The following DTNB variants were observed in gnomAD, a reference collection of about 807,000 sequenced individuals.
The protein encoded by DTNB is DTN-B.
Under a neutral mutation model 90.7 loss-of-function variants are expected in DTNB, and 63 were observed. The observed-to-expected ratio is 0.69, with a 90% CI of 0.57 to 0.86. DTNB has a LOEUF of 0.86. Ranked by LOEUF, DTNB falls within the 40% of genes least tolerant of loss-of-function variation. The probability of loss-of-function intolerance (pLI) is 0.00; values close to 1 mark genes in which losing one functional copy is unlikely to be tolerated. For synonymous variants in DTNB, 277 were observed against 286.7 expected (o/e 0.97, Z 0.34); for missense variants, 744 against 807.1 (o/e 0.92, Z 0.95).
intron 2 of DTNB, chr2:25,650,019 T>G: frequency 2.0e-6 from 2 of 985,390 alleles, no homozygotes; most frequent in Non-Finnish European, 2.4e-6. Flanking sequence ...AAGTCATACT[T>G]ACCAAACGTC....
At chr2:25,448,133 C>T (rs2058701749) in intron 12 of DTNB, among the ~76,000 whole-genome samples, 1 of 152,224 alleles carries the variant, frequency 6.6e-6, no homozygotes, top group African/African-American at 2.4e-5. Flanking sequence ...ACCTGCTCTA[C>T]ACTTCCACAG....
intron 11 of DTNB, among the ~76,000 whole-genome samples, chr2:25,453,358 C>T (rs2059553539): frequency 6.6e-6 from 1 of 152,180 alleles, no homozygotes; most frequent in Non-Finnish European, 1.5e-5. Context: ...CCTTATTCTT[C>T]TGTTTGAATT....
chr2:25,647,920 A>G (rs916156301), intron 2 of DTNB, among the ~76,000 whole-genome samples: 20 of 152,200 alleles, frequency 1.3e-4, no homozygotes, highest in Non-Finnish European at 1.3e-4. Flanking sequence ...GTAACCCAAC[A>G]TAAGTTGTTA....
chr2:25,663,204 C>T (rs1455532655), intron 1 of DTNB, among the ~76,000 whole-genome samples: 2 of 152,130 alleles, frequency 1.3e-5, no homozygotes, highest in Non-Finnish European at 2.9e-5. Flanking sequence ...AGAATGATGG[C>T]TTCCAGCTTC....
intron 8 of DTNB, among the ~76,000 whole-genome samples, chr2:25,576,286 C>T (rs1033504523): frequency 3.0e-5 from 4 of 135,170 alleles, no homozygotes; most frequent in Admixed American, 8.2e-5. Context: ...AGTGCAGTGG[C>T]GCAATCTCGG....
intron 8 of DTNB, among the ~76,000 whole-genome samples, chr2:25,567,593 T>G (rs1435789112): frequency 2.0e-5 from 3 of 152,186 alleles, no homozygotes; most frequent in Non-Finnish European, 2.9e-5. Context: ...TGTTCAGAGG[T>G]GGACTCTGCC....
chr2:25,415,570 T>C (rs2047706330), intron 16 of DTNB, among the ~76,000 whole-genome samples: 2 of 152,180 alleles, frequency 1.3e-5, no homozygotes, highest in African/African-American at 2.4e-5. Context: ...GGATGGGGAC[T>C]GGTTGCCAGA....
chr2:25,613,341 C>A (rs747007438), intron 4 of DTNB, among the ~76,000 whole-genome samples: 8 of 152,282 alleles, frequency 5.3e-5, no homozygotes, highest in Admixed American at 4.6e-4. Context: ...ATAATCCTAT[C>A]ACCCAGGTAG....
Position 25,580,793 on chromosome 2 carries a change from T to C in DTNB, c.637A>G (p.Met213Val), listed in dbSNP as rs373211002. The change falls in exon 7 of 21, where the codon ATG (methionine) becomes GTG (valine). Residue 213 changes from methionine to valine, a missense_variant. By Grantham distance (21) the Met-to-Val change is conservative. Transcript: ENST00000406818. Reference protein sequence around the residue: ...KIMLNMFLDTMMADPPPQCLV... With the variant: ...KIMLNMFLDTVMADPPPQCLV... ...CACTGGGGAGGAGGGTCAGCCATCATTGTGTCTAAAAACATATTTAGCATT... is the reference window on the plus strand; with the variant it reads ...CACTGGGGAGGAGGGTCAGCCATCACTGTGTCTAAAAACATATTTAGCATT... 59 of 1,613,360 alleles carry C rather than the reference T, an allele frequency of 3.7e-5. No homozygotes were observed. The highest frequency in any genetic ancestry group is 4.8e-5 in the Non-Finnish European group (57 of 1,179,504).
At chr2:25,578,274 T>C (rs1371853452) in intron 7 of DTNB, among the ~76,000 whole-genome samples, 2 of 152,186 alleles carry the variant, frequency 1.3e-5, no homozygotes, top group African/African-American at 2.4e-5. Flanking sequence ...AGGATATTAC[T>C]TCTAAGAAAT....
At chr2:25,568,705 G>C (rs528226843) in intron 8 of DTNB, among the ~76,000 whole-genome samples, 2 of 152,332 alleles carry the variant, frequency 1.3e-5, no homozygotes, top group African/African-American at 4.8e-5. Flanking sequence ...ATGTGGGACA[G>C]AGTGTAATTT....
chr2:25,412,479 G>A (rs2046853383), intron 16 of DTNB, among the ~76,000 whole-genome samples: 1 of 152,170 alleles, frequency 6.6e-6, no homozygotes, highest in African/African-American at 2.4e-5. Flanking sequence ...CACTACCTAA[G>A]CTGGGCCAAG....
At chr2:25,379,448 C>T (rs780833157) in intron 19 of DTNB, 125 bp from the exon 20 acceptor site, 69 of 1,200,234 alleles carry the variant, frequency 5.7e-5, no homozygotes, top group African/African-American at 1.7e-4. Flanking sequence ...TCCCGTTACT[C>T]GTTTGTTGAC....
chr2:25,456,898 T>A (rs760230909), intron 10 of DTNB, among the ~76,000 whole-genome samples: 1 of 151,964 alleles, frequency 6.6e-6, no homozygotes, highest in Non-Finnish European at 1.5e-5. Flanking sequence ...CAAACTCTCC[T>A]ACCTTTGGCC....
chr2:25,469,213 C>A (rs1482781706), intron 10 of DTNB, among the ~76,000 whole-genome samples: 3 of 152,156 alleles, frequency 2.0e-5, no homozygotes, highest in Non-Finnish European at 4.4e-5. Context: ...CAGAAAGTGA[C>A]ATCAAAGTTG....
intron 11 of DTNB, among the ~76,000 whole-genome samples, chr2:25,452,806 G>C (rs548582215): frequency 7.3e-5 from 11 of 151,230 alleles, no homozygotes; most frequent in Non-Finnish European, 1.5e-4. Flanking sequence ...TTTCTTCTGG[G>C]ATTTTTTTTT....
chr2:25,634,458 A>C (rs1308701404), intron 3 of DTNB, among the ~76,000 whole-genome samples: 1 of 147,614 alleles, frequency 6.8e-6, no homozygotes, highest in Non-Finnish European at 1.5e-5. Flanking sequence ...CCGCCCGGCC[A>C]GTCGCCCCGT....
At chr2:25,446,135 C>T (rs935767543) in intron 12 of DTNB, among the ~76,000 whole-genome samples, 28 of 152,112 alleles carry the variant, frequency 1.8e-4, no homozygotes, top group Non-Finnish European at 7.4e-5. Flanking sequence ...CTCCTTTTGA[C>T]AGTTCATCTA....
chr2:25,477,714 AAGG>A (rs746364322), intron 10 of DTNB, among the ~76,000 whole-genome samples: 7 of 152,186 alleles, frequency 4.6e-5, no homozygotes, highest in Non-Finnish European at 8.8e-5. Context: ...ATCTATGCAA[AAGG>A]AGGTGTGATA....
Sources: gnomAD v4.1 joint callset for allele counts (sites outside exome capture counted in the v4.1 genomes callset) on GRCh38, gnomAD v4.1.1 for gene constraint, MANE v1.5 for transcripts, NCBI Gene and HGNC (gene_info 2026-07-23, HGNC 2026-07-21) for gene names.